The following RPGR variants were observed in gnomAD, a reference collection of about 807,000 sequenced individuals.
The protein encoded by RPGR is X-linked retinitis pigmentosa GTPase regulator.
In RPGR, 10 loss-of-function variants were observed where a neutral mutation model predicts 56.3. The ratio of observed to expected loss-of-function variants is 0.18; its 90% confidence interval spans 0.11 to 0.30. The LOEUF is 0.30. Ranked by LOEUF, RPGR falls within the 10% of genes least tolerant of loss-of-function variation. RPGR has a pLI of 1.00. For synonymous variants in RPGR, 197 were observed against 212.9 expected (o/e 0.93, Z 0.65); for missense variants, 538 against 590.9 (o/e 0.91, Z 0.93).
chrX:38,323,055 T>C, intron 2 of RPGR, 110 bp from the exon 3 acceptor site: 1 of 618,880 alleles, frequency 1.6e-6, no homozygotes, highest in Non-Finnish European at 2.7e-6. Flanking sequence ...ACTGCTTTTC[T>C]GTGTTGAAAT....
chrX:38,312,668 G>A (rs996778095), intron 6 of RPGR, among the ~76,000 whole-genome samples: 3 of 111,837 alleles, frequency 2.7e-5, no homozygotes, highest in Non-Finnish European at 5.6e-5. Flanking sequence ...TCCCAGCAGG[G>A]TGTGATGGCT....
chrX:38,308,846 C>T (rs1456837981), intron 7 of RPGR, among the ~76,000 whole-genome samples: 6 of 110,887 alleles, frequency 5.4e-5, no homozygotes, highest in East Asian at 2.8e-4. Context: ...TTAATAACCA[C>T]GACTGGGGCT....
At chrX:38,269,852 C>CATAA in intron 18 of RPGR, 1 of 1,059,906 alleles carries the variant, frequency 9.4e-7, no homozygotes, top group East Asian at 3.0e-5. Context: ...AAACCACACA[C>CATAA]ACAAATATTC....
chrX:38,313,195 C>T (rs1445270745), intron 6 of RPGR, among the ~76,000 whole-genome samples: 1 of 111,749 alleles, frequency 8.9e-6, no homozygotes, highest in Middle Eastern at 4.2e-3. Flanking sequence ...AAATACCACC[C>T]TTTCTCTGAA....
intron 6 of RPGR, among the ~76,000 whole-genome samples, chrX:38,311,591 C>G (rs1189535351): frequency 8.9e-6 from 1 of 111,786 alleles, no homozygotes; most frequent in Non-Finnish European, 1.9e-5. Flanking sequence ...TTGCCCAACC[C>G]CTGAGAAGGT....
At chrX:38,275,694 C>T (rs1470185798) in intron 16 of RPGR, among the ~76,000 whole-genome samples, 3 of 111,485 alleles carry the variant, frequency 2.7e-5, no homozygotes, top group African/African-American at 9.8e-5. Context: ...CACAAGTACA[C>T]ATTCAAATAA....
chrX:38,290,965 T>A lies in RPGR; in HGVS notation c.1566A>T (p.Lys522Asn), dbSNP rs1196693224. 2.9e-6 allele frequency: 3 copies of A among 1,040,249 alleles called. No homozygotes were observed. The African/African-American group carries it at 5.6e-5, about 19-fold the overall frequency. The allele number at this position is 1,040,249 out of a possible 1,213,427, so 85.7% of individuals were successfully genotyped here. The change falls in exon 13 of 19, where the codon AAA (lysine) becomes AAT (asparagine). Residue 522 changes from lysine to asparagine, a missense_variant. Coordinates refer to ENST00000642395, the MANE Select transcript of RPGR (RefSeq NM_000328.3). ...ATAAATCTTCATATTATACCTTTTG[T>A]TTCTGAACTGGTGATAATTTTAATG... is the stretch of plus-strand genomic sequence containing the variant.
In RPGR at chrX:38,299,033, A is replaced by G; in HGVS notation, c.1168T>C (p.Phe390Leu). The G allele has an allele frequency of 8.3e-7, 1 of 1,211,689 alleles. No individual in the cohort carries two copies. Among genetic ancestry groups the G allele is most frequent in the Non-Finnish European group, 1.1e-6 (1 of 895,428 alleles). Residue 390 changes from phenylalanine (F) to leucine (L), a missense_variant, in exon 10 of 19, where the codon TTT becomes CTT. Physicochemically the swap from Phe to Leu is conservative, Grantham distance 22. Transcript: ENST00000642395. ...GAGGTTAAACTGCTATACGGCAGAA[A>G]AGTCGCCACAGATAAGCAAGTATCA...
At position 38,304,787 on chromosome X, in the gene RPGR, T is replaced by G. The variant is rs751266432; in HGVS notation, c.782A>C (p.Asn261Thr). The change falls in exon 8 of 19, where the codon AAT becomes ACT. Residue 261 changes from asparagine to threonine, a missense_variant. This residue lies in a region of RPGR where 181 missense variants were observed against 265.1 expected (regional missense o/e 0.68). Transcript: ENST00000642395. Reference sequence around the variant, plus strand: ...TCCCAGCCCAAAGGTATACACAGCATTCTCTGAAAGGAAAGGGGCAAATAC... The same window carrying G: ...TCCCAGCCCAAAGGTATACACAGCAGTCTCTGAAAGGAAAGGGGCAAATAC... 5.0e-6 allele frequency: 6 copies of G among 1,207,448 alleles called. No homozygotes were observed. In the East Asian group the frequency reaches 1.8e-4, roughly 36 times the overall value.
At chrX:38,327,199 G>T (rs2068064993) in intron 1 of RPGR, 141 bp downstream of exon 1, 3 of 558,594 alleles carry the variant, frequency 5.4e-6, no homozygotes, top group Non-Finnish European at 8.3e-6. Context: ...AGTCATTCGC[G>T]GGAGCGCAAC....
At position 38,321,640 on chromosome X, in the gene RPGR, A is replaced by T. The variant is rs139459425; in HGVS notation, c.248-551T>A. On this transcript the variant is annotated intron_variant, in intron 3 of 18. Coordinates refer to ENST00000642395, the MANE Select transcript of RPGR (RefSeq NM_000328.3). Reference sequence around the variant, plus strand: ...ACACCACTGCACTCCAGCTTGGGTGACAGAGCAAGACCCTGTCTCAAAAAA... The same window carrying T: ...ACACCACTGCACTCCAGCTTGGGTGTCAGAGCAAGACCCTGTCTCAAAAAA... Among the ~76,000 whole-genome samples the T allele has an allele frequency of 6.5e-3, 685 of 104,603 alleles. 6 individuals are homozygous for T. The highest frequency in any genetic ancestry group is 0.038 in the Middle Eastern group (8 of 208). The allele number at this position is 104,603 out of a possible 115,157, so 90.8% of individuals were successfully genotyped here. A position where few individuals can be genotyped will look rare whatever the true frequency, so the allele number is the denominator to read the frequency against.
intron 15 of RPGR, among the ~76,000 whole-genome samples, chrX:38,280,100 A>C: frequency 9.0e-6 from 1 of 111,413 alleles, no homozygotes; most frequent in Non-Finnish European, 1.9e-5. Context: ...TCTACCTGTA[A>C]AATGGAAAAA....
chrX:38,290,884 T>C, intron 13 of RPGR, 75 bp downstream of exon 13: 1 of 433,430 alleles, frequency 2.3e-6, no homozygotes, highest in South Asian at 3.8e-5. Context: ...TCTTGTGTTC[T>C]TTCCAAAAAC....
At chrX:38,277,046 T>A (rs890623640) in intron 15 of RPGR, among the ~76,000 whole-genome samples, 9 of 111,102 alleles carry the variant, frequency 8.1e-5, no homozygotes, top group South Asian at 3.8e-4. Flanking sequence ...AAAAAAAAAA[T>A]AAATACTCTT....
intron 15 of RPGR, among the ~76,000 whole-genome samples, chrX:38,277,600 TATTATA>T (rs765926914): frequency 8.9e-6 from 1 of 111,844 alleles, no homozygotes; most frequent in East Asian, 2.8e-4. Flanking sequence ...CTTTATAGTT[TATTATA>T]ATTAAGTTTA....
At chrX:38,291,069 T>A in intron 12 of RPGR, 45 bp from the exon 13 acceptor site, 1 of 374,666 alleles carries the variant, frequency 2.7e-6, no homozygotes, top group Non-Finnish European at 4.0e-6. Context: ...ATACAGTATA[T>A]ATACTATATA....
chrX:38,279,619 T>C (rs1274539568), intron 15 of RPGR, among the ~76,000 whole-genome samples: 2 of 109,292 alleles, frequency 1.8e-5, no homozygotes, highest in Non-Finnish European at 3.8e-5. Flanking sequence ...TGGTACTGTG[T>C]TTTTCCTTGA....
Position 38,298,940 on chromosome X carries a change from T to C in RPGR, c.1245+16A>G, listed in dbSNP as rs5918522. ...TGCTAGATAATACTATTATACAGAA[T>C]AGGCCACAATTGTACCCTCTCTCTT... On this transcript the variant is annotated intron_variant, in intron 10 of 18. Transcript: ENST00000642395. The C allele has an allele frequency of 0.16, 188,377 of 1,204,044 alleles. 11,286 individuals carry two copies. The highest frequency in any genetic ancestry group is 0.22 in the Middle Eastern group (928 of 4,313).
intron 15 of RPGR, among the ~76,000 whole-genome samples, chrX:38,277,007 T>C (rs1430759031): frequency 2.7e-5 from 3 of 111,527 alleles, no homozygotes; most frequent in African/African-American, 9.8e-5. Context: ...CCAAAATTCT[T>C]ACTAGCACCC....
Sources: allele counts gnomAD v4.1 joint callset (sites outside exome capture counted in the v4.1 genomes callset), GRCh38; gene constraint gnomAD v4.1.1; regional missense constraint gnomAD v4.1.1; transcripts MANE v1.5; gene names NCBI Gene and HGNC (gene_info 2026-07-23, HGNC 2026-07-21).